NCEH1: variants seen among roughly 807,000 people sequenced by gnomAD.
NCEH1 encodes the protein neutral cholesterol ester hydrolase 1.
In NCEH1, 9 loss-of-function variants were observed where a neutral mutation model predicts 25.4. The ratio of observed to expected loss-of-function variants is 0.35; its 90% CI spans 0.21 to 0.62. The LOEUF (loss-of-function observed/expected upper bound fraction) is 0.62, where lower values mean the gene tolerates loss of function less well. Among genes scored for constraint, NCEH1 ranks in the 20% least tolerant of loss-of-function variants. The probability of loss-of-function intolerance (pLI) is 0.72; values close to 1 mark genes in which losing one functional copy is unlikely to be tolerated. For missense variants in NCEH1, 412 were observed against 501.1 expected (o/e 0.82, Z 1.70); for synonymous variants, 200 against 199.8 (o/e 1.00, Z -0.01).
chr3:172,651,852 C>A (rs1374466610), intron 1 of NCEH1, among the ~76,000 whole-genome samples: 2 of 152,146 alleles, frequency 1.3e-5, no homozygotes, highest in Non-Finnish European at 2.9e-5. Context: ...AGCCACCGCG[C>A]CCGGCCGAGA....
At position 172,703,572 on chromosome 3, in the gene NCEH1, T is replaced by C. The variant is rs376086057; in HGVS notation, c.138+7275A>G. On this transcript the variant is annotated intron_variant, in intron 1 of 4. Transcript: ENST00000475381. ...GTAAATATATGCTATTTTAAAATGC[T>C]ATTTTAAAAGAAGCAATTGTGCATA... is the stretch of plus-strand genomic sequence containing the variant. Among the ~76,000 whole-genome samples, 271 of 148,264 alleles carry C rather than the reference T, an allele frequency of 1.8e-3. 5 individuals carry two copies. Among genetic ancestry groups the C allele is most frequent in the African/African-American group, 6.6e-3 (267 of 40,220 alleles).
intron 3 of NCEH1, among the ~76,000 whole-genome samples, chr3:172,644,621 G>A (rs1249505070): frequency 6.6e-6 from 1 of 152,120 alleles, no homozygotes; most frequent in Non-Finnish European, 1.5e-5. Flanking sequence ...TTAGCTTCTT[G>A]GGTCTCAATT....
At chr3:172,676,601 G>A (rs901739033) in intron 1 of NCEH1, among the ~76,000 whole-genome samples, 2 of 151,980 alleles carry the variant, frequency 1.3e-5, no homozygotes, top group African/African-American at 2.4e-5. Flanking sequence ...GTTTCTCGTC[G>A]TTCGAATCCC....
chr3:172,691,038 A>C (rs892433773), intron 1 of NCEH1, among the ~76,000 whole-genome samples: 1 of 152,206 alleles, frequency 6.6e-6, no homozygotes, highest in African/African-American at 2.4e-5. Context: ...CACACTGCCC[A>C]AACACCCTTT....
chr3:172,657,995 G>C (rs1482357918), intron 1 of NCEH1, among the ~76,000 whole-genome samples: 1 of 152,154 alleles, frequency 6.6e-6, no homozygotes, highest in Non-Finnish European at 1.5e-5. Context: ...GGTAAAATGA[G>C]GCTGAGACCT....
At chr3:172,700,836 TGGAAATA>T (rs1713639259) in intron 1 of NCEH1, among the ~76,000 whole-genome samples, 1 of 151,268 alleles carries the variant, frequency 6.6e-6, no homozygotes, top group African/African-American at 2.4e-5. Flanking sequence ...AGCTGACAAA[TGGAAATA>T]ACAATGGCAA....
Position 172,653,735 on chromosome 3 carries a change from G to GTTTTTGTT in NCEH1, c.139-5622_139-5621insAACAAAAA, listed in dbSNP as rs780071347. ...TTGTTTTTGTTGTTGTTGTTGTTCTGTTTTTTTTGTTTTTTTGTTTTTTTG... is the reference window on the plus strand; with the variant it reads ...TTGTTTTTGTTGTTGTTGTTGTTCTGTTTTTGTTTTTTTTTTGTTTTTTTGTTTTTTTG... On this transcript the variant is annotated intron_variant, in intron 1 of 4. Transcript: ENST00000475381. Among the ~76,000 whole-genome samples, 648 of 70,988 alleles carry GTTTTTGTT rather than the reference G, an allele frequency of 9.1e-3. 25 individuals are homozygous for GTTTTTGTT. The highest frequency in any genetic ancestry group is 0.028 in the African/African-American group (560 of 19,706). The allele number at this position is 70,988 out of a possible 152,430, so 46.6% of individuals were successfully genotyped here. A position where few individuals can be genotyped will look rare whatever the true frequency, so the allele number is the denominator to read the frequency against.
At chr3:172,675,778 A>T (rs1711961525) in intron 1 of NCEH1, among the ~76,000 whole-genome samples, 2 of 152,348 alleles carry the variant, frequency 1.3e-5, no homozygotes, top group East Asian at 3.9e-4. Context: ...ATGTACAGCG[A>T]CATCTAGTGT....
intron 1 of NCEH1, among the ~76,000 whole-genome samples, chr3:172,676,149 T>C (rs9831877): frequency 0.15 from 23,093 of 152,070 alleles, 3,330 homozygotes; most frequent in African/African-American, 0.37. Flanking sequence ...GGGGAAATAA[T>C]ACAGGTGTTA....
In NCEH1 at chr3:172,693,354, A is replaced by G. The variant is rs544662281; in HGVS notation, c.138+17493T>C. ...CTGAAAGCAAACCGTGTGCACACAAAGCCACAAGGACCAATCTGTATTTCA... is the reference window on the plus strand; with the variant it reads ...CTGAAAGCAAACCGTGTGCACACAAGGCCACAAGGACCAATCTGTATTTCA... On this transcript the variant is annotated intron_variant, in intron 1 of 4. Coordinates refer to ENST00000475381, the MANE Select transcript of NCEH1 (RefSeq NM_020792.6). Among the ~76,000 whole-genome samples the G allele has an allele frequency of 2.5e-3, 374 of 152,282 alleles. 3 individuals carry two copies. The highest frequency in any genetic ancestry group is 8.7e-3 in the African/African-American group (360 of 41,550).
At chr3:172,688,621 ATGTATTTTTAATAT>A in intron 1 of NCEH1, among the ~76,000 whole-genome samples, 1 of 152,214 alleles carries the variant, frequency 6.6e-6, no homozygotes, top group Admixed American at 6.5e-5. Context: ...TATATAAGAT[ATGTATTTTTAATAT>A]CTTTATATGA....
At chr3:172,653,744 G>GTTTTTTTTTTTTTTTTTTTTTTTTTTT (rs796835886) in intron 1 of NCEH1, among the ~76,000 whole-genome samples, 2 of 95,676 alleles carry the variant, frequency 2.1e-5, no homozygotes, top group African/African-American at 8.4e-5. Flanking sequence ...TGTTTTTTTT[G>GTTTTTTTTTTTTTTTTTTTTTTTTTTT]TTTTTTTGTT....
chr3:172,674,142 A>G (rs932385739), intron 1 of NCEH1, among the ~76,000 whole-genome samples: 2 of 152,180 alleles, frequency 1.3e-5, no homozygotes, highest in African/African-American at 4.8e-5. Context: ...GTTGAAAATT[A>G]TAAAAGATAA....
intron 2 of NCEH1, among the ~76,000 whole-genome samples, chr3:172,647,516 T>C (rs1444554726): frequency 6.6e-6 from 1 of 152,238 alleles, no homozygotes; most frequent in Non-Finnish European, 1.5e-5. Flanking sequence ...ATTCCCCATA[T>C]GCGTGCCTGG....
intron 1 of NCEH1, 29 bp downstream of exon 1, chr3:172,710,818 G>A (rs527286507): frequency 1.2e-6 from 2 of 1,611,682 alleles, no homozygotes; most frequent in South Asian, 2.2e-5. Context: ...AGAGGAGGAA[G>A]AGAGAAGCAG....
At position 172,633,519 on chromosome 3, in the gene NCEH1, G is replaced by T. The variant is rs773651192; in HGVS notation, c.1183C>A (p.Arg395=). The change falls in exon 5 of 5, where the codon CGG becomes AGG. Residue 395 remains arginine, a synonymous_variant. Coordinates refer to ENST00000475381, the MANE Select transcript of NCEH1 (RefSeq NM_020792.6). ...CACTTGATGTAACTATTCCTAGTCC[G>T]GATTCCCACTGAGAAGTTGGTGGGC... is the stretch of plus-strand genomic sequence containing the variant. The part of the protein sequence containing the change: ...SWPTNFSVGI[R]TRNSYIKWLD... 4 of 1,613,882 alleles carry T rather than the reference G, an allele frequency of 2.5e-6. No homozygotes were observed. The highest frequency in any genetic ancestry group is 2.7e-5 in the African/African-American group (2 of 74,860).
intron 1 of NCEH1, among the ~76,000 whole-genome samples, chr3:172,694,388 GTGTGTC>G (rs1342357807): frequency 3.3e-4 from 49 of 148,450 alleles, no homozygotes; most frequent in African/African-American, 1.3e-3. Flanking sequence ...ATGTGTGTGT[GTGTGTC>G]TGTGTGTGTG....
chr3:172,646,495 T>C lies in NCEH1; in HGVS notation c.368-803A>G, dbSNP rs1047038107. On this transcript the variant is annotated intron_variant, in intron 2 of 4. Transcript: ENST00000475381. The stretch of plus-strand genomic sequence containing the variant: ...AATTTTAGGAAGTCTTAGCATTTCT[T>C]AGAGGATTCCAAAGGTCTGCAGTAA... Among the ~76,000 whole-genome samples the C allele has an allele frequency of 5.9e-5, 9 of 152,344 alleles. No homozygotes were observed. In the South Asian group the frequency reaches 6.2e-4, roughly 11 times the overall value.
chr3:172,703,527 C>CCAAAA (rs761267305), intron 1 of NCEH1, among the ~76,000 whole-genome samples: 1 of 80,606 alleles, frequency 1.2e-5, no homozygotes, highest in African/African-American at 4.7e-5. Flanking sequence ...GACTCTGTCT[C>CCAAAA]AAAAAAAAAA....
Sources: allele counts gnomAD v4.1 joint callset (sites outside exome capture counted in the v4.1 genomes callset), GRCh38; gene constraint gnomAD v4.1.1; transcripts MANE v1.5; gene names NCBI Gene and HGNC (gene_info 2026-07-23, HGNC 2026-07-21).